Variants in ST6GALNAC1 observed in about 807,000 individuals in gnomAD.
ST6GALNAC1 encodes alpha-N-acetylgalactosaminide alpha-2,6-sialyltransferase 1.
In ST6GALNAC1, 45 loss-of-function variants were observed where a neutral mutation model predicts 56.8. That is an observed-to-expected ratio of 0.79 (90% CI 0.62 to 1.02). The LOEUF (loss-of-function observed/expected upper bound fraction) is 1.02, where lower values mean the gene tolerates loss of function less well. Among genes scored for constraint, ST6GALNAC1 ranks in the 50% least tolerant of loss-of-function variants. ST6GALNAC1 has a pLI of 0.00. For missense variants in ST6GALNAC1, 743 were observed against 754.8 expected (o/e 0.98, Z 0.18); for synonymous variants, 295 against 297.8 (o/e 0.99, Z 0.10).
At chr17:76,638,442 T>A (rs1483868095) in intron 1 of ST6GALNAC1, among the ~76,000 whole-genome samples, 1 of 152,046 alleles carries the variant, frequency 6.6e-6, no homozygotes, top group African/African-American at 2.4e-5. Context: ...AGTAGAGCAA[T>A]CTTAGCTCAC....
Position 76,626,050 on chromosome 17 carries a change from C to A in ST6GALNAC1, c.1461G>T (p.Arg487Ser). The A allele has an allele frequency of 6.2e-7, 1 of 1,614,186 alleles. No homozygotes were observed. The highest frequency in any genetic ancestry group is 8.5e-7 in the Non-Finnish European group (1 of 1,180,030). Residue 487 changes from arginine (R) to serine (S), a missense_variant, in exon 7 of 9, where the codon AGG becomes AGT. Coordinates refer to ENST00000156626, the MANE Select transcript of ST6GALNAC1 (RefSeq NM_018414.5). ...EAFREALHMD[R>S]YLLLHPDFLR... is the part of the protein sequence containing the mutation. ...GAAAGTCTGGGTGCAGCAACAGGTA[C>A]CTGTCCATGTGCAGGGCTTCCCGAA... is the stretch of plus-strand genomic sequence containing the variant.
At chr17:76,640,955 G>C (rs1199386273) in intron 1 of ST6GALNAC1, among the ~76,000 whole-genome samples, 2 of 152,196 alleles carry the variant, frequency 1.3e-5, no homozygotes, top group African/African-American at 4.8e-5. Flanking sequence ...GAAACAAAAA[G>C]AGGTGGAATC....
At chr17:76,639,650 C>CAT (rs1254969967) in intron 1 of ST6GALNAC1, among the ~76,000 whole-genome samples, 1 of 19,720 alleles carries the variant, frequency 5.1e-5, no homozygotes, top group African/African-American at 8.7e-5. Flanking sequence ...CACACACACA[C>CAT]ACACACACAC....
chr17:76,623,172 C>CA (rs2075758351), downstream of ST6GALNAC1, among the ~76,000 whole-genome samples: 1 of 152,180 alleles, frequency 6.6e-6, no homozygotes, highest in South Asian at 2.1e-4. Context: ...CACCATTAAT[C>CA]ACAATGCTTG....
In ST6GALNAC1 at chr17:76,629,082, G is replaced by C. The variant is rs761061646; in HGVS notation, c.761C>G (p.Ala254Gly). ...CCACCGAGGCTCAGATTTGAAGTTG[G>C]CGGCCTTCAGTCTTTGGTTTCTCTG... The part of the protein sequence containing the change: ...TTQRNQRLKA[A>G]NFKSEPRWDF... The change falls in exon 2 of 9, where the codon GCC becomes GGC. Residue 254 changes from alanine (A) to glycine (G), a missense_variant. Coordinates refer to ENST00000156626, the MANE Select transcript of ST6GALNAC1 (RefSeq NM_018414.5). The C allele has an allele frequency of 2.5e-6, 4 of 1,579,300 alleles. No individual in the cohort carries two copies. Among genetic ancestry groups the C allele is most frequent in the Non-Finnish European group, 3.4e-6 (4 of 1,161,832 alleles).
At chr17:76,634,922 C>T (rs954577048) in intron 1 of ST6GALNAC1, among the ~76,000 whole-genome samples, 5 of 152,108 alleles carry the variant, frequency 3.3e-5, no homozygotes, top group Admixed American at 6.5e-5. Flanking sequence ...CAAAGTTTAT[C>T]TTCCTTGGAA....
chr17:76,621,307 C>T (rs1374565382), downstream of ST6GALNAC1, among the ~76,000 whole-genome samples: 8 of 150,840 alleles, frequency 5.3e-5, no homozygotes, highest in South Asian at 2.1e-4. Flanking sequence ...CTCAGCCTCC[C>T]GAGTAGCTGG....
At chr17:76,638,110 CTTTTT>C (rs397744489) in intron 1 of ST6GALNAC1, among the ~76,000 whole-genome samples, 1 of 132,816 alleles carries the variant, frequency 7.5e-6, no homozygotes, top group Non-Finnish European at 1.6e-5. Context: ...ACAGCTCACT[CTTTTT>C]TTTTTTTTTT....
chr17:76,631,550 C>T (rs763274743), intron 1 of ST6GALNAC1, among the ~76,000 whole-genome samples: 2 of 152,100 alleles, frequency 1.3e-5, no homozygotes, highest in Admixed American at 6.6e-5. Context: ...AACCAGGAAT[C>T]GCTCTCTAAG....
intron 1 of ST6GALNAC1, among the ~76,000 whole-genome samples, chr17:76,637,987 G>A (rs2075999818): frequency 6.6e-6 from 1 of 151,940 alleles, no homozygotes; most frequent in Admixed American, 6.6e-5. Context: ...GTGCCACCGT[G>A]CCCGGCTAAT....
intron 1 of ST6GALNAC1, among the ~76,000 whole-genome samples, chr17:76,642,219 C>CCTAATCTATCTAT (rs2076058386): frequency 6.7e-6 from 1 of 150,078 alleles, no homozygotes; most frequent in Admixed American, 6.7e-5. Context: ...TCTCTATCTG[C>CCTAATCTATCTAT]CTATCTATCT....
rs769919838 is a variant in ST6GALNAC1, at chr17:76,627,096, CT to C, written c.1142del (p.Gln381ArgfsTer3). 1.3e-6 allele frequency: 2 copies of C among 1,572,958 alleles called. No individual in the cohort carries two copies. The highest frequency in any genetic ancestry group is 1.4e-5 in the African/African-American group (1 of 73,736). ...ACACGTAGTCGTGACTGTCTATCTCCTGGCCCATGTGGGAGTTGTTCAGGAT... is the reference window on the plus strand; with the variant it reads ...ACACGTAGTCGTGACTGTCTATCTCCGGCCCATGTGGGAGTTGTTCAGGAT... Reference protein sequence around the residue: ...GGILNNSHMGQEIDSHDYVFR... With the variant: ...GGILNNSHMGXEIDSHDYVFR... On this transcript the variant is annotated frameshift_variant, in exon 4 of 9. Coordinates refer to ENST00000156626, the MANE Select transcript of ST6GALNAC1 (RefSeq NM_018414.5). LOFTEE classifies it high-confidence loss of function. The surrounding 1 kb of genome is among the most constrained non-coding windows in gnomAD (Gnocchi z 4.4).
rs773963975 is a variant in ST6GALNAC1 at position 76,629,693 on chromosome 17, G to A, written c.150C>T (p.Asn50=). ...GGGACTGTAGAGACCTTTCTTTAAT[G>A]TTCTCTGTGCGTTGATGCCTAGGGA... The part of the protein sequence containing the change: ...TKPSRHQRTE[N]IKERSLQSLA... Residue 50 remains asparagine (N), a synonymous_variant, in exon 2 of 9, where the codon AAC becomes AAT. Transcript: ENST00000156626. 1.2e-6 allele frequency: 2 copies of A among 1,613,466 alleles called. No homozygotes were observed. The highest frequency in any genetic ancestry group is 1.7e-6 in the Non-Finnish European group (2 of 1,179,852).
chr17:76,626,773 T>C lies in ST6GALNAC1; in HGVS notation c.1189A>G (p.Ile397Val). The change falls in exon 5 of 9, where the codon ATT becomes GTT. Residue 397 changes from isoleucine to valine, a missense_variant. Coordinates refer to ENST00000156626, the MANE Select transcript of ST6GALNAC1 (RefSeq NM_018414.5). ...DYVFRLSGAL[I>V]KGYEQDVGTR... ...CCCACATCCTGTTCGTAGCCTTTAATGAGAGCTCCGCTCAATCTGTGCAGA... is the reference window on the plus strand; with the variant it reads ...CCCACATCCTGTTCGTAGCCTTTAACGAGAGCTCCGCTCAATCTGTGCAGA... The C allele has an allele frequency of 6.2e-7, 1 of 1,614,170 alleles. No individual in the cohort carries two copies. The highest frequency in any genetic ancestry group is 8.5e-7 in the Non-Finnish European group (1 of 1,180,042).
intron 5 of ST6GALNAC1, 129 bp from the exon 6 acceptor site, chr17:76,626,521 G>C: frequency 6.6e-7 from 1 of 1,503,784 alleles, no homozygotes; most frequent in East Asian, 2.3e-5. Flanking sequence ...CCCCACTCCT[G>C]CCCTTATAGG....
chr17:76,640,774 A>G (rs188024619), intron 1 of ST6GALNAC1, among the ~76,000 whole-genome samples: 7 of 152,384 alleles, frequency 4.6e-5, no homozygotes, highest in Admixed American at 1.3e-4. Flanking sequence ...AGATGGACAC[A>G]TGTTATTGAT....
In ST6GALNAC1 at chr17:76,630,166, C is replaced by T. The variant is rs192215083; in HGVS notation, c.132-455G>A. Among the ~76,000 whole-genome samples the T allele has an allele frequency of 2.9e-3, 440 of 152,286 alleles. 3 individuals carry two copies. Among genetic ancestry groups the T allele is most frequent in the African/African-American group, 0.01 (420 of 41,558 alleles). ...ACAGGAGAGCATCTCATCCGACAAA[C>T]GTTTACTAAATGTCTATTCTGTGCA... On this transcript the variant is annotated intron_variant, in intron 1 of 8. Coordinates refer to ENST00000156626, the MANE Select transcript of ST6GALNAC1 (RefSeq NM_018414.5).
intron 1 of ST6GALNAC1, among the ~76,000 whole-genome samples, chr17:76,630,638 T>G (rs1432947757): frequency 6.7e-6 from 1 of 148,206 alleles, no homozygotes; most frequent in Non-Finnish European, 1.5e-5. Context: ...CAAGCTGGAG[T>G]GCAGTGGCGC....
intron 1 of ST6GALNAC1, 80 bp from the exon 2 acceptor site, chr17:76,629,791 T>TG: frequency 4.2e-6 from 5 of 1,195,330 alleles, no homozygotes; most frequent in Non-Finnish European, 5.9e-6. Flanking sequence ...TTGTTTTTTT[T>TG]TTTTTTTTTG....
Sources: gnomAD v4.1 joint callset for allele counts (sites outside exome capture counted in the v4.1 genomes callset) on GRCh38, gnomAD v4.1.1 for gene constraint, Gnocchi (gnomAD v3.1) non-coding constraint, MANE v1.5 for transcripts, NCBI Gene and HGNC (gene_info 2026-07-23, HGNC 2026-07-21) for gene names.